Variants in SPATA31H1 observed in about 807,000 individuals in gnomAD.
SPATA31H1 encodes the protein SPATA31 subfamily H member 1, also known as spermatogenesis-associated protein 31H1.
the SPATA31H1 span, among the ~76,000 whole-genome samples, chr2:27,543,754 C>T: frequency 2.6e-5 from 4 of 151,812 alleles, no homozygotes; most frequent in East Asian, 5.8e-4. Context: ...TTGCTAAGGT[C>T]CCTAAGCTGC....
At chr2:27,580,667 C>T in the SPATA31H1 span, 1 of 1,614,216 alleles carries the variant, frequency 6.2e-7, no homozygotes, top group Non-Finnish European at 8.5e-7. Flanking sequence ...AAACAGCACA[C>T]AGAGTTATAG....
the SPATA31H1 span, chr2:27,582,078 A>G: frequency 6.2e-7 from 1 of 1,613,578 alleles, no homozygotes; most frequent in Non-Finnish European, 8.5e-7. Context: ...GTCCTTTGAG[A>G]GGAGCCATCG....
At chr2:27,579,425 TC>T in the SPATA31H1 span, 1 of 1,614,214 alleles carries the variant, frequency 6.2e-7, no homozygotes, top group Non-Finnish European at 8.5e-7. Flanking sequence ...TTACTATTTC[TC>T]AGCCTTCTGT....
the SPATA31H1 span, chr2:27,577,641 C>G: frequency 6.6e-4 from 1,059 of 1,614,052 alleles, 9 homozygotes; most frequent in East Asian, 0.021. This position sits in a 1 kb window ranked among gnomAD's most constrained non-coding sequence, Gnocchi z 4.5. Flanking sequence ...GTTAGGACAT[C>G]GAGTTCCTGA....
At chr2:27,564,122 T>A in the SPATA31H1 span, among the ~76,000 whole-genome samples, 1 of 152,206 alleles carries the variant, frequency 6.6e-6, no homozygotes, top group African/African-American at 2.4e-5. Context: ...AATTTGAGGG[T>A]TCCTGGCTAC....
the SPATA31H1 span, chr2:27,580,865 A>G: frequency 6.2e-7 from 1 of 1,614,142 alleles, no homozygotes; most frequent in South Asian, 1.1e-5. Context: ...TGTGGGGAGG[A>G]ACGGTCCAGT....
At chr2:27,568,762 C>A in the SPATA31H1 span, 1 of 398,944 alleles carries the variant, frequency 2.5e-6, no homozygotes, top group East Asian at 3.6e-5. Flanking sequence ...GTGAAAACTC[C>A]TCAAATGGTA....
At chr2:27,571,056 T>A in the SPATA31H1 span, 1 of 398,490 alleles carries the variant, frequency 2.5e-6, no homozygotes, top group East Asian at 3.6e-5. Flanking sequence ...AGGTTTCAGA[T>A]CTGAAAAGCT....
At chr2:27,574,064 G>C in the SPATA31H1 span, 2 of 398,404 alleles carry the variant, frequency 5.0e-6, no homozygotes, top group Non-Finnish European at 8.9e-6. Flanking sequence ...ATTATGATTT[G>C]ACCACAAGGA....
chr2:27,579,099 C>T, the SPATA31H1 span: 3 of 1,614,154 alleles, frequency 1.9e-6, no homozygotes, highest in Middle Eastern at 3.3e-4. Flanking sequence ...GAGACATCTA[C>T]CACAAAGCTG....
chr2:27,570,015 C>T, the SPATA31H1 span: 4 of 398,954 alleles, frequency 1.0e-5, no homozygotes, highest in African/African-American at 8.2e-5. Context: ...AGAGCCAACA[C>T]ATCAAAGTGT....
At chr2:27,541,587 A>G in the SPATA31H1 span, among the ~76,000 whole-genome samples, 6 of 106,290 alleles carry the variant, frequency 5.6e-5, no homozygotes, top group Admixed American at 2.1e-4. Flanking sequence ...ATGACTCACA[A>G]GATGATGGTG....
the SPATA31H1 span, among the ~76,000 whole-genome samples, chr2:27,563,349 A>C: frequency 2.6e-5 from 3 of 115,620 alleles, no homozygotes; most frequent in African/African-American, 9.7e-5. Flanking sequence ...ATTAATGTGT[A>C]GTTATTCAAA....
chr2:27,544,586 G>A, the SPATA31H1 span, among the ~76,000 whole-genome samples: 2 of 143,864 alleles, frequency 1.4e-5, no homozygotes, highest in African/African-American at 5.1e-5. Flanking sequence ...CCAGGCTGGA[G>A]TACAGTGGCG....
chr2:27,544,933 T>A, the SPATA31H1 span, among the ~76,000 whole-genome samples: 1 of 151,968 alleles, frequency 6.6e-6, no homozygotes, highest in South Asian at 2.1e-4. Flanking sequence ...TAGAATGAAA[T>A]TTAACTACCT....
the SPATA31H1 span, among the ~76,000 whole-genome samples, chr2:27,547,979 C>CTTTTT: frequency 1.9e-4 from 21 of 113,262 alleles, no homozygotes; most frequent in East Asian, 7.7e-4. Context: ...ATAGTAATTT[C>CTTTTT]TTTTTTTTTT....
chr2:27,582,635 G>T, the SPATA31H1 span: 1 of 1,161,822 alleles, frequency 8.6e-7, no homozygotes, highest in Non-Finnish European at 1.2e-6. Flanking sequence ...CCCCAGCGTG[G>T]AAAGGCTTCC....
At chr2:27,556,284 C>CTT in the SPATA31H1 span, among the ~76,000 whole-genome samples, 9 of 141,798 alleles carry the variant, frequency 6.3e-5, no homozygotes, top group African/African-American at 1.1e-4. Flanking sequence ...TTGGAAAGCC[C>CTT]TTTTTTTTTT....
the SPATA31H1 span, chr2:27,582,033 A>C: frequency 6.2e-7 from 1 of 1,614,048 alleles, no homozygotes; most frequent in Non-Finnish European, 8.5e-7. Context: ...CTTGGAGAGG[A>C]GCCATCGCAG....
Sources: allele counts gnomAD v4.1 joint callset (sites outside exome capture counted in the v4.1 genomes callset), GRCh38; gene constraint gnomAD v4.1.1; non-coding constraint Gnocchi (gnomAD v3.1); transcripts MANE v1.5; gene names NCBI Gene and HGNC (gene_info 2026-07-23, HGNC 2026-07-21).